IRAK3: variants seen among roughly 807,000 people sequenced by gnomAD.
The protein encoded by IRAK3 is interleukin 1 receptor associated kinase 3.
IRAK3 carries 57 observed loss-of-function variants against 56.6 expected under a neutral mutation model. The observed-to-expected ratio is 1.01, with a 90% CI of 0.81 to 1.26. The LOEUF is 1.26. IRAK3 is among the 50% of genes most tolerant of loss of function. The pLI, the probability that IRAK3 is intolerant of heterozygous loss-of-function variation, is 0.00. For missense variants in IRAK3, 703 were observed against 719.0 expected (o/e 0.98, Z 0.25); for synonymous variants, 258 against 255.7 (o/e 1.01, Z -0.09).
intron 8 of IRAK3, among the ~76,000 whole-genome samples, chr12:66,228,615 A>G (rs542282580): frequency 4.7e-4 from 71 of 152,362 alleles, no homozygotes; most frequent in Admixed American, 1.1e-3. Flanking sequence ...TTAATGAACA[A>G]TGTAGGATAG....
chr12:66,216,494 G>A (rs1222925595), intron 5 of IRAK3, among the ~76,000 whole-genome samples: 2 of 152,116 alleles, frequency 1.3e-5, no homozygotes, highest in African/African-American at 4.8e-5. Context: ...AGACCTAGGA[G>A]CATACTTAAT....
rs1186504043 is a variant in IRAK3, at chr12:66,226,799, A to G, written c.730A>G (p.Met244Val). The G allele has an allele frequency of 1.2e-6, 2 of 1,606,698 alleles. No individual in the cohort carries two copies. Among genetic ancestry groups the G allele is most frequent in the Admixed American group, 1.7e-5 (1 of 60,022 alleles). Reference protein sequence around the residue: ...TEKFCLIYPYMRNGTLFDRLQ... With the variant: ...TEKFCLIYPYVRNGTLFDRLQ... ...GAAGTTCTGTCTGATTTATCCATACATGAGAAATGGAACACTTTTTGACAG... is the reference window on the plus strand; with the variant it reads ...GAAGTTCTGTCTGATTTATCCATACGTGAGAAATGGAACACTTTTTGACAG... Residue 244 changes from methionine (M) to valine (V), a missense_variant, in exon 7 of 12, where the codon ATG becomes GTG. Coordinates refer to ENST00000261233, the MANE Select transcript of IRAK3 (RefSeq NM_007199.3).
intron 6 of IRAK3, among the ~76,000 whole-genome samples, chr12:66,218,293 G>A (rs1054335438): frequency 9.9e-5 from 15 of 152,072 alleles, no homozygotes; most frequent in Non-Finnish European, 2.9e-5. Context: ...ATTCTATACA[G>A]TAGTTTACAT....
At chr12:66,215,790 A>AGGTGCGCGCGCG (rs2052668454) in intron 5 of IRAK3, among the ~76,000 whole-genome samples, 7 of 103,090 alleles carry the variant, frequency 6.8e-5, no homozygotes, top group African/African-American at 2.1e-4. Flanking sequence ...CAACATGCAC[A>AGGTGCGCGCGCG]CACACACACA....
rs2052685378 is a variant in IRAK3 at position 66,217,185 on chromosome 12, GT to G, written c.604del (p.Cys202ValfsTer24). ...TGTATATGTAGGAGAAAAAAATGCAGTGTAAGAAGCATTGGAAGAGGTTTTT... is the reference window on the plus strand; with the variant it reads ...TGTATATGTAGGAGAAAAAAATGCAGGTAAGAAGCATTGGAAGAGGTTTTT... ...KLFKQEKKMQ[C>X]KKHWKRFLSE... On this transcript the variant is annotated frameshift_variant, in exon 6 of 12. Transcript: ENST00000261233. LOFTEE classifies it high-confidence loss of function. 1 of 1,609,054 alleles carries G rather than the reference GT, an allele frequency of 6.2e-7. No individual in the cohort carries two copies. The highest frequency in any genetic ancestry group is 8.5e-7 in the Non-Finnish European group (1 of 1,175,614).
chr12:66,222,467 T>C (rs1177688522), intron 6 of IRAK3, among the ~76,000 whole-genome samples: 2 of 152,124 alleles, frequency 1.3e-5, no homozygotes, highest in African/African-American at 4.8e-5. Flanking sequence ...CATACGATAG[T>C]TCATAATAGT....
At chr12:66,189,897 C>G (rs1221394866) in intron 1 of IRAK3, among the ~76,000 whole-genome samples, 1 of 152,200 alleles carries the variant, frequency 6.6e-6, no homozygotes, top group Non-Finnish European at 1.5e-5. Context: ...CTAAAGTAAA[C>G]TACGGTTTGC....
At chr12:66,210,054 C>T in intron 3 of IRAK3, 93 bp from the exon 4 acceptor site, 1 of 821,142 alleles carries the variant, frequency 1.2e-6, no homozygotes, top group East Asian at 2.4e-5. Context: ...TGTTGCACTG[C>T]ATAGTCCCCA....
intron 9 of IRAK3, 90 bp from the exon 10 acceptor site, chr12:66,244,858 G>A: frequency 9.0e-7 from 1 of 1,113,938 alleles, no homozygotes; most frequent in Admixed American, 1.7e-5. Flanking sequence ...TAATCAGAAT[G>A]AACTATATTC....
chr12:66,189,484 G>A, intron 1 of IRAK3, 52 bp downstream of exon 1: 1 of 1,108,696 alleles, frequency 9.0e-7, no homozygotes, highest in Non-Finnish European at 1.1e-6. Context: ...GCGCGCCGCG[G>A]GGCCCGCTCG....
chr12:66,245,098 C>T lies in IRAK3; in HGVS notation c.1150C>T (p.Arg384Trp), dbSNP rs144713310. 1.7e-4 allele frequency: 268 copies of T among 1,613,982 alleles called. No individual in the cohort carries two copies. In the African/African-American group the frequency reaches 2.5e-3, roughly 15 times the overall value. Reference protein sequence around the residue: ...VLDDPKHIQLRDLLRELMEKR... With the variant: ...VLDDPKHIQLWDLLRELMEKR... Reference sequence around the variant, plus strand: ...TAAAATTGTCTCCCTCTCTTCCAAGCGGGATCTCCTTAGAGAATTGATGGA... The same window carrying T: ...TAAAATTGTCTCCCTCTCTTCCAAGTGGGATCTCCTTAGAGAATTGATGGA... Residue 384 changes from arginine to tryptophan, a missense_variant and splice_region_variant, in exon 11 of 12, where the codon CGG becomes TGG. Transcript: ENST00000261233.
rs921189302 is a variant in IRAK3 at position 66,209,322 on chromosome 12, C to G, written c.317-134C>G. ...ACAAATAATACTTTCACAAATTTAT[C>G]GTAATGTTGCATGGGAATGAAACTT... is the stretch of plus-strand genomic sequence containing the variant. On this transcript the variant is annotated intron_variant, in intron 2 of 11. Transcript: ENST00000261233. 9.2e-6 allele frequency: 6 copies of G among 652,522 alleles called. No individual in the cohort carries two copies. The Admixed American group carries it at 1.3e-4, about 14-fold the overall frequency. The allele number at this position is 652,522 out of a possible 1,614,324, so 40.4% of individuals were successfully genotyped here.
Position 66,252,128 on chromosome 12 carries a change from AC to A in IRAK3, c.*3958del, listed in dbSNP as rs1404228276. The A allele has an allele frequency of 6.6e-6, 1 of 152,200 alleles. No homozygotes were observed. The highest frequency in any genetic ancestry group is 2.4e-5 in the African/African-American group (1 of 41,444). The allele number at this position is 152,200 out of a possible 1,614,324, so 9.4% of individuals were successfully genotyped here. ...GAAAAATGGGGTAAGGGTGAAGGGA[AC>A]TGGGTCTAGAGCTTTGCATGTTTTT... On this transcript the variant is annotated 3_prime_UTR_variant, in exon 12 of 12. Coordinates refer to ENST00000261233, the MANE Select transcript of IRAK3 (RefSeq NM_007199.3).
chr12:66,245,935 A>G (rs2053028846), intron 11 of IRAK3, among the ~76,000 whole-genome samples: 1 of 152,110 alleles, frequency 6.6e-6, no homozygotes, highest in Admixed American at 6.5e-5. Context: ...TAAACAAATA[A>G]TGCCTACTCT....
At position 66,189,305 on chromosome 12, in the gene IRAK3, G is replaced by A. The variant is rs756728099; in HGVS notation, c.6G>A (p.Ala2=). The change falls in exon 1 of 12, where the codon GCG becomes GCA. Residue 2 remains alanine (A), a synonymous_variant. Coordinates refer to ENST00000261233, the MANE Select transcript of IRAK3 (RefSeq NM_007199.3). M[A]GNCGARGALS... ...GGGGCTCGGGCAGCCGAGCCATGGCGGGGAACTGTGGGGCCCGCGGCGCGC... is the reference window on the plus strand; with the variant it reads ...GGGGCTCGGGCAGCCGAGCCATGGCAGGGAACTGTGGGGCCCGCGGCGCGC... 5 of 1,535,324 alleles carry A rather than the reference G, an allele frequency of 3.3e-6. No individual in the cohort carries two copies. Among genetic ancestry groups the A allele is most frequent in the Non-Finnish European group, 3.5e-6 (4 of 1,147,224 alleles).
intron 11 of IRAK3, among the ~76,000 whole-genome samples, chr12:66,245,690 G>A (rs929417401): frequency 3.8e-4 from 58 of 151,506 alleles, no homozygotes; most frequent in Non-Finnish European, 6.5e-4. Context: ...GAGCCACCAC[G>A]CCTGGCTAAT....
At chr12:66,225,816 T>G (rs2052779926) in intron 6 of IRAK3, among the ~76,000 whole-genome samples, 1 of 152,188 alleles carries the variant, frequency 6.6e-6, no homozygotes, top group Non-Finnish European at 1.5e-5. Context: ...AATGGTATGT[T>G]CTCAACATCA....
chr12:66,228,983 C>T (rs1234601321), intron 8 of IRAK3, among the ~76,000 whole-genome samples: 2 of 152,168 alleles, frequency 1.3e-5, no homozygotes, highest in Admixed American at 6.5e-5. Flanking sequence ...AGTTGAGAAG[C>T]ATCTGTATTT....
At chr12:66,233,912 T>C (rs560473205) in intron 8 of IRAK3, among the ~76,000 whole-genome samples, 2 of 152,112 alleles carry the variant, frequency 1.3e-5, no homozygotes, top group East Asian at 1.9e-4. Flanking sequence ...ATAGAACTTA[T>C]AGCAAAAATA....
Sources: allele counts gnomAD v4.1 joint callset (sites outside exome capture counted in the v4.1 genomes callset), GRCh38; gene constraint gnomAD v4.1.1; transcripts MANE v1.5; gene names NCBI Gene and HGNC (gene_info 2026-07-23, HGNC 2026-07-21).